Variants in OTOGL observed in about 807,000 individuals in gnomAD.
OTOGL encodes the protein otogelin like.
A neutral mutation model predicts 318.5 loss-of-function variants in OTOGL; 285 were observed. The observed-to-expected ratio is 0.89, with a 90% CI of 0.81 to 0.99. The LOEUF is 0.99. OTOGL is among the 50% of genes least tolerant of loss of function. The pLI is 0.00. For missense variants in OTOGL, 2,899 were observed against 2,845.6 expected (o/e 1.02, Z -0.43); for synonymous variants, 987 against 936.5 (o/e 1.05, Z -0.99).
Position 80,298,075 on chromosome 12 carries a change from T to A in OTOGL, c.3063+1114T>A, listed in dbSNP as rs189188540. 8.3e-4 allele frequency among the ~76,000 whole-genome samples: 127 copies of A among 152,366 alleles called. 1 individual carries two copies. Among genetic ancestry groups the A allele is most frequent in the Non-Finnish European group, 2.2e-4 (15 of 68,038 alleles). On this transcript the variant is annotated intron_variant, in intron 27 of 58. Transcript: ENST00000547103. Reference sequence around the variant, plus strand: ...ATTCATTCATTCATCTCATACTTTTTAAATAATGTTTACTGAATATCAAAA... The same window carrying A: ...ATTCATTCATTCATCTCATACTTTTAAAATAATGTTTACTGAATATCAAAA...
At chr12:80,101,587 C>T (rs1565860831) in intron 1 of OTOGL, among the ~76,000 whole-genome samples, 2 of 152,090 alleles carry the variant, frequency 1.3e-5, no homozygotes, top group African/African-American at 4.8e-5. Flanking sequence ...TCATGTAGAG[C>T]AATAGCATAA....
chr12:80,352,286 T>C lies in OTOGL; in HGVS notation c.5266-9T>C. 1 of 1,602,000 alleles carries C rather than the reference T, an allele frequency of 6.2e-7. No homozygotes were observed. Among genetic ancestry groups the C allele is most frequent in the Non-Finnish European group, 8.5e-7 (1 of 1,175,718 alleles). ...ATATAACTTATTTCAAGGCAAAATG[T>C]TTCTCTAGGTTTCACCGGAAGACTT... On this transcript the variant is annotated splice_polypyrimidine_tract_variant and intron_variant, in intron 44 of 58. Coordinates refer to ENST00000547103, the MANE Select transcript of OTOGL (RefSeq NM_001378609.3).
intron 37 of OTOGL, among the ~76,000 whole-genome samples, chr12:80,332,004 G>A (rs1361188604): frequency 1.3e-5 from 2 of 152,100 alleles, no homozygotes; most frequent in African/African-American, 2.4e-5. Flanking sequence ...TTAAAGGAAG[G>A]GACCATGAGC....
chr12:80,326,026 A>G lies in OTOGL; in HGVS notation c.4199+2186A>G, dbSNP rs1592710444. On this transcript the variant is annotated intron_variant, in intron 35 of 58. Coordinates refer to ENST00000547103, the MANE Select transcript of OTOGL (RefSeq NM_001378609.3). ...CACGATGAAACTTCGCCCCTGCCAA[A>G]CTGATTCTCATCTCTACCTCCATTT... Among the ~76,000 whole-genome samples the G allele has an allele frequency of 2.0e-5, 3 of 152,198 alleles. No homozygotes were observed. The South Asian group carries it at 6.2e-4, about 32-fold the overall frequency.
chr12:80,108,803 A>ATATATATGTG (rs1565863158), intron 1 of OTOGL, among the ~76,000 whole-genome samples: 3 of 37,030 alleles, frequency 8.1e-5, no homozygotes, highest in East Asian at 7.8e-4. Flanking sequence ...ATATATATGT[A>ATATATATGTG]TATATATATG....
chr12:80,160,817 A>G (rs1450411555), intron 1 of OTOGL, among the ~76,000 whole-genome samples: 1 of 152,222 alleles, frequency 6.6e-6, no homozygotes, highest in African/African-American at 2.4e-5. Flanking sequence ...ACAATTGCAG[A>G]AGTATGGAAC....
chr12:80,223,662 T>C (rs1197095287), intron 7 of OTOGL, among the ~76,000 whole-genome samples: 2 of 152,200 alleles, frequency 1.3e-5, no homozygotes, highest in East Asian at 3.8e-4. Flanking sequence ...GGTTTTCATT[T>C]GTTTTTCTCT....
At chr12:80,246,382 A>C (rs1191097499) in intron 11 of OTOGL, among the ~76,000 whole-genome samples, 1 of 141,142 alleles carries the variant, frequency 7.1e-6, no homozygotes, top group Admixed American at 6.9e-5. Flanking sequence ...AGGGTTGTTG[A>C]ATTTTGTCAA....
At chr12:80,306,951 C>G (rs59630326) in intron 29 of OTOGL, among the ~76,000 whole-genome samples, 2 of 147,886 alleles carry the variant, frequency 1.4e-5, no homozygotes, top group African/African-American at 5.4e-5. Context: ...GAGGACCCTG[C>G]GGCCTTTCCG....
At chr12:80,162,882 A>T (rs1271348241) in intron 1 of OTOGL, among the ~76,000 whole-genome samples, 1 of 151,828 alleles carries the variant, frequency 6.6e-6, no homozygotes, top group South Asian at 2.1e-4. Context: ...TGACTCATGC[A>T]CCCCTTGCCC....
At position 80,318,706 on chromosome 12, in the gene OTOGL, G is replaced by A; in HGVS notation, c.3795G>A (p.Lys1265=). Residue 1265 remains lysine (K), a synonymous_variant, in exon 33 of 59, where the codon AAG becomes AAA. Transcript: ENST00000547103. The part of the protein sequence containing the change: ...FMITPGLFKE[K]VSSLALVSLE... ...TCACTCCAGGCCTTTTCAAAGAGAA[G>A]GTATCATGTAAGTATAATTGAAAAT... is the stretch of plus-strand genomic sequence containing the variant. 7.9e-7 allele frequency: 1 copy of A among 1,271,258 alleles called. No homozygotes were observed. Among genetic ancestry groups the A allele is most frequent in the Non-Finnish European group, 1.0e-6 (1 of 991,640 alleles). 78.7% of individuals were successfully genotyped at this position (1,271,258 alleles called of 1,614,324 possible).
At chr12:80,277,269 T>C (rs1883882170) in intron 24 of OTOGL, among the ~76,000 whole-genome samples, 1 of 146,984 alleles carries the variant, frequency 6.8e-6, no homozygotes, top group South Asian at 2.1e-4. Flanking sequence ...GTTCTATTAT[T>C]ATTTTGTTAA....
At chr12:80,250,722 C>A (rs1055290747) in intron 11 of OTOGL, among the ~76,000 whole-genome samples, 15 of 152,142 alleles carry the variant, frequency 9.9e-5, no homozygotes, top group African/African-American at 3.4e-4. Flanking sequence ...GTGGCTTTTA[C>A]AATAGTGACA....
Position 80,320,405 on chromosome 12 carries a change from T to A in OTOGL, c.3803-17T>A. The stretch of plus-strand genomic sequence containing the variant: ...TCTTCCTTCTCCTGAGAATCCACAC[T>A]GCTCTATATTTTACAGCATTAGCAC... On this transcript the variant is annotated splice_polypyrimidine_tract_variant and intron_variant, in intron 33 of 58. Coordinates refer to ENST00000547103, the MANE Select transcript of OTOGL (RefSeq NM_001378609.3). 6.3e-7 allele frequency: 1 copy of A among 1,591,802 alleles called. No individual in the cohort carries two copies. Among genetic ancestry groups the A allele is most frequent in the Non-Finnish European group, 8.6e-7 (1 of 1,167,522 alleles).
chr12:80,254,280 GATA>G (rs1185332016), intron 14 of OTOGL, among the ~76,000 whole-genome samples: 1 of 151,954 alleles, frequency 6.6e-6, no homozygotes, highest in South Asian at 2.1e-4. Flanking sequence ...ACACACAAGA[GATA>G]ATAATTTAGG....
intron 1 of OTOGL, among the ~76,000 whole-genome samples, chr12:80,125,366 C>G (rs1336812767): frequency 6.6e-6 from 1 of 152,164 alleles, no homozygotes; most frequent in African/African-American, 2.4e-5. Flanking sequence ...GTTGAATCAG[C>G]CTTGCATCCC....
At chr12:80,370,190 TAGTG>T (rs1415495820) in intron 55 of OTOGL, among the ~76,000 whole-genome samples, 1 of 151,976 alleles carries the variant, frequency 6.6e-6, no homozygotes, top group Non-Finnish European at 1.5e-5. Context: ...GTTTTATAAT[TAGTG>T]AGGAAATATT....
intron 34 of OTOGL, 73 bp from the exon 35 acceptor site, chr12:80,323,650 A>C (rs768421830): frequency 3.4e-6 from 4 of 1,181,946 alleles, no homozygotes; most frequent in Middle Eastern, 2.0e-4. Flanking sequence ...CTGTCTCAAG[A>C]AAGAAAAGGG....
In OTOGL at chr12:80,342,090, T is replaced by C. The variant is rs1355597294; in HGVS notation, c.5193T>C (p.Asn1731=). 11 of 1,606,780 alleles carry C rather than the reference T, an allele frequency of 6.8e-6. No homozygotes were observed. Among genetic ancestry groups the C allele is most frequent in the East Asian group, 2.2e-5 (1 of 44,682 alleles). ...FEVTMRRPVR[N]CTEHDCSQCI... ...TAACAATGAGAAGACCTGTTAGGAA[T>C]TGTACTGAGCATGATTGCAGCCAGT... is the stretch of plus-strand genomic sequence containing the variant. The change falls in exon 44 of 59, where the codon AAT becomes AAC. Residue 1731 remains asparagine (N), a synonymous_variant. Transcript: ENST00000547103.
Sources: allele counts gnomAD v4.1 joint callset (sites outside exome capture counted in the v4.1 genomes callset), GRCh38; gene constraint gnomAD v4.1.1; transcripts MANE v1.5; gene names NCBI Gene and HGNC (gene_info 2026-07-23, HGNC 2026-07-21).